Variants in TTC38 observed in about 807,000 individuals in gnomAD.
The protein encoded by TTC38 is tetratricopeptide repeat domain 38, also known as tetratricopeptide repeat protein 38.
Under a neutral mutation model 64.2 loss-of-function variants are expected in TTC38, and 64 were observed. The observed-to-expected ratio is 1.00, with a 90% CI of 0.81 to 1.23. The LOEUF is 1.23. TTC38 is among the 50% of genes most tolerant of loss of function. The pLI is 0.00. For missense variants in TTC38, 573 were observed against 615.5 expected (o/e 0.93, Z 0.73); for synonymous variants, 254 against 249.3 (o/e 1.02, Z -0.18).
At chr22:46,268,668 TTTTG>T in intron 2 of TTC38, 77 bp downstream of exon 2, 2 of 737,262 alleles carry the variant, frequency 2.7e-6, no homozygotes, top group African/African-American at 9.7e-5. Context: ...AAAGCTGTTT[TTTTG>T]TTTTGTTTTG....
Position 46,288,567 on chromosome 22 carries a change from C to A in TTC38, c.1061C>A (p.Thr354Asn), listed in dbSNP as rs992383348. Residue 354 changes from threonine (T) to asparagine (N), a missense_variant, in exon 11 of 14, where the codon ACC (threonine) becomes AAC (asparagine). By Grantham distance (65) the Thr-to-Asn change is moderately conservative. Coordinates refer to ENST00000381031, the MANE Select transcript of TTC38 (RefSeq NM_017931.4). ...HDPQTTQELLTTLRDASESPG... is the reference protein window; with the variant it reads ...HDPQTTQELLNTLRDASESPG... ...CCCCAGACCACACAGGAGCTGCTGA[C>A]CACCCTGCGGGACGCCAGCGAGTAT... 1 of 1,613,678 alleles carries A rather than the reference C, an allele frequency of 6.2e-7. No individual in the cohort carries two copies. The highest frequency in any genetic ancestry group is 1.7e-5 in the Admixed American group (1 of 59,996).
rs994790121 is a variant in TTC38 at position 46,291,682 on chromosome 22, C to T, written c.1317-1109C>T. 1.3e-5 allele frequency among the ~76,000 whole-genome samples: 2 copies of T among 152,148 alleles called. No homozygotes were observed. The highest frequency in any genetic ancestry group is 1.3e-4 in the Admixed American group (2 of 15,276). On this transcript the variant is annotated intron_variant, in intron 13 of 13. Coordinates refer to ENST00000381031, the MANE Select transcript of TTC38 (RefSeq NM_017931.4). This position sits in a 1 kb window ranked among gnomAD's most constrained non-coding sequence, Gnocchi z 4.6. Reference sequence around the variant, plus strand: ...AAAAGTGCCACAGACAGGCCGGGCACGGTGGCTCATGCCTGTAATCCCAGC... The same window carrying T: ...AAAAGTGCCACAGACAGGCCGGGCATGGTGGCTCATGCCTGTAATCCCAGC...
chr22:46,290,861 C>T (rs1569028128), intron 13 of TTC38, among the ~76,000 whole-genome samples: 1 of 152,128 alleles, frequency 6.6e-6, no homozygotes, highest in African/African-American at 2.4e-5. Context: ...GCCTGAGCGG[C>T]GAGTTTGACA....
Position 46,281,501 on chromosome 22 carries a change from C to T in TTC38, c.616-98C>T, listed in dbSNP as rs2077534390. 9 of 1,459,122 alleles carry T rather than the reference C, an allele frequency of 6.2e-6. No homozygotes were observed. Among genetic ancestry groups the T allele is most frequent in the Non-Finnish European group, 8.5e-6 (9 of 1,062,208 alleles). 90.4% of individuals were successfully genotyped at this position (1,459,122 alleles called of 1,614,324 possible). A position where few individuals can be genotyped will look rare whatever the true frequency, so the allele number is the denominator to read the frequency against. ...CCCCCACTTGCTCCACCCCGTTCAG[C>T]CCAGGCCCCTCTTGCCCCTTAGAGA... On this transcript the variant is annotated intron_variant, in intron 6 of 13. Coordinates refer to ENST00000381031, the MANE Select transcript of TTC38 (RefSeq NM_017931.4). This position sits in a 1 kb window ranked among gnomAD's most constrained non-coding sequence, Gnocchi z 5.2.
In TTC38 at chr22:46,272,287, A is replaced by C. The variant is rs1479903697; in HGVS notation, c.112-48A>C. 1 of 1,518,364 alleles carries C rather than the reference A, an allele frequency of 6.6e-7. No homozygotes were observed. Among genetic ancestry groups the C allele is most frequent in the Non-Finnish European group, 9.1e-7 (1 of 1,094,916 alleles). The allele number at this position is 1,518,364 out of a possible 1,614,324, so 94.1% of individuals were successfully genotyped here. On this transcript the variant is annotated intron_variant, in intron 2 of 13. Transcript: ENST00000381031. This position sits in a 1 kb window ranked among gnomAD's most constrained non-coding sequence, Gnocchi z 6.4. ...CTGGATTTAGAGCCACCTTTGTTAG[A>C]ATGATCCAAGGGCTCCGTGAGGACT... is the stretch of plus-strand genomic sequence containing the variant.
chr22:46,272,857 G>C lies in TTC38; in HGVS notation c.193+441G>C, dbSNP rs1483142806. On this transcript the variant is annotated intron_variant, in intron 3 of 13. Transcript: ENST00000381031. This position sits in a 1 kb window ranked among gnomAD's most constrained non-coding sequence, Gnocchi z 6.4. The stretch of plus-strand genomic sequence containing the variant: ...CAGGGGACCAGTGAGGCCTCATCCA[G>C]AGTGGCCAGGGTGAGGTGGTGACAG... Among the ~76,000 whole-genome samples, 2 of 152,302 alleles carry C rather than the reference G, an allele frequency of 1.3e-5. No individual in the cohort carries two copies. The highest frequency in any genetic ancestry group is 2.1e-4 in the South Asian group (1 of 4,824).
chr22:46,289,626 C>T (rs1232037747), intron 12 of TTC38, 65 bp downstream of exon 12: 2 of 1,531,152 alleles, frequency 1.3e-6, no homozygotes, highest in Non-Finnish European at 1.8e-6. Flanking sequence ...CGCCCCGCAG[C>T]CCCCAAGTTT....
In TTC38 at chr22:46,275,238, C is replaced by T. The variant is rs370763567; in HGVS notation, c.366-10C>T. The T allele has an allele frequency of 2.4e-5, 39 of 1,611,092 alleles. No homozygotes were observed. The highest frequency in any genetic ancestry group is 1.8e-4 in the Middle Eastern group (1 of 5,514). On this transcript the variant is annotated splice_polypyrimidine_tract_variant and intron_variant, in intron 4 of 13. Coordinates refer to ENST00000381031, the MANE Select transcript of TTC38 (RefSeq NM_017931.4). This position sits in a 1 kb window ranked among gnomAD's most constrained non-coding sequence, Gnocchi z 4.5. ...TTCAGCGTTGGTGAGAAATCTTTCT[C>T]GGTTTCCAGGAACTTTCCGAAAGCC...
intron 13 of TTC38, among the ~76,000 whole-genome samples, chr22:46,290,695 C>T (rs532422753): frequency 3.4e-5 from 5 of 145,542 alleles, no homozygotes; most frequent in Admixed American, 6.7e-5. Flanking sequence ...GGCTGGCAGG[C>T]GAGTGTCAGG....
intron 1 of TTC38, 33 bp downstream of exon 1, chr22:46,268,105 T>A (rs1936801551): frequency 6.5e-7 from 1 of 1,530,236 alleles, no homozygotes; most frequent in Non-Finnish European, 8.7e-7. Flanking sequence ...CAGGTCCCCC[T>A]CGGGCCCCGG....
In TTC38 at chr22:46,289,419, G is replaced by A. The variant is rs61737824; in HGVS notation, c.1100G>A (p.Cys367Tyr). 1.3e-3 allele frequency: 2,015 copies of A among 1,609,248 alleles called. 3 individuals carry two copies. The highest frequency in any genetic ancestry group is 1.5e-3 in the Non-Finnish European group (1,752 of 1,179,678). Reference protein sequence around the residue: ...RDASESPGENCQHLLARDVGL... With the variant: ...RDASESPGENYQHLLARDVGL... ...GTTCGCAGATCCCCAGGGGAGAACT[G>A]CCAGCACCTCCTGGCCCGAGACGTG... The change falls in exon 12 of 14, where the codon TGC becomes TAC. Residue 367 changes from cysteine (C) to tyrosine (Y), a missense_variant. Cys to Tyr is a radical substitution (Grantham distance 194). Coordinates refer to ENST00000381031, the MANE Select transcript of TTC38 (RefSeq NM_017931.4).
Position 46,281,638 on chromosome 22 carries a change from A to AC in TTC38, c.657dup (p.Val220ArgfsTer29), listed in dbSNP as rs761170055. 6 of 1,614,146 alleles carry AC rather than the reference A, an allele frequency of 3.7e-6. No homozygotes were observed. The highest frequency in any genetic ancestry group is 5.1e-6 in the Non-Finnish European group (6 of 1,180,018). On this transcript the variant is annotated frameshift_variant, in exon 7 of 14. Transcript: ENST00000381031. LOFTEE classifies it high-confidence loss of function. This position sits in a 1 kb window ranked among gnomAD's most constrained non-coding sequence, Gnocchi z 5.2. ...CCCGACAGACGCATGGTCGGTGCAC[A>AC]CCGTCGCTCACATCCACGAGATGAA...
chr22:46,271,190 G>A lies in TTC38; in HGVS notation c.112-1145G>A, dbSNP rs1427525860. Among the ~76,000 whole-genome samples, 1 of 152,216 alleles carries A rather than the reference G, an allele frequency of 6.6e-6. No homozygotes were observed. The highest frequency in any genetic ancestry group is 1.5e-5 in the Non-Finnish European group (1 of 68,040). ...TCCTCTTAGGGCAGAAGAAGCCGAT[G>A]TGGAGCAGGTCACCTGTCAGGAGGA... On this transcript the variant is annotated intron_variant, in intron 2 of 13. Transcript: ENST00000381031. The surrounding 1 kb of genome is among the most constrained non-coding windows in gnomAD (Gnocchi z 5.5).
intron 8 of TTC38, among the ~76,000 whole-genome samples, chr22:46,284,868 C>CAAAAAAAAAAAAAAAAAAAAA (rs130641): frequency 1.3e-5 from 1 of 75,324 alleles, no homozygotes; most frequent in African/African-American, 5.7e-5. Flanking sequence ...GACCCCATCT[C>CAAAAAAAAAAAAAAAAAAAAA]AAAAAAAAAA....
At chr22:46,268,400 C>T in intron 1 of TTC38, 114 bp from the exon 2 acceptor site, 1 of 1,159,140 alleles carries the variant, frequency 8.6e-7, no homozygotes, top group Non-Finnish European at 1.3e-6. Context: ...GGAGCCTGAG[C>T]CCATTTTACA....
In TTC38 at chr22:46,278,610, T is replaced by C. The variant is rs759384038; in HGVS notation, c.564T>C (p.Phe188=). The C allele has an allele frequency of 6.2e-7, 1 of 1,614,164 alleles. No homozygotes were observed. The highest frequency in any genetic ancestry group is 1.3e-5 in the African/African-American group (1 of 75,046). The change falls in exon 6 of 14, where the codon TTT becomes TTC. Residue 188 remains phenylalanine (F), a synonymous_variant. Transcript: ENST00000381031. ...GCTATGTGAAAGGCATCTACTCTTT[T>C]GGCTTGATGGAAACCAACTTCTACG... ...LSSYVKGIYS[F]GLMETNFYDQ... is the part of the protein sequence containing the mutation.
chr22:46,284,035 A>C lies in TTC38; in HGVS notation c.795+3A>C, dbSNP rs1383489030. 6.2e-7 allele frequency: 1 copy of C among 1,607,472 alleles called. No homozygotes were observed. The highest frequency in any genetic ancestry group is 1.7e-5 in the Admixed American group (1 of 59,834). ...GGGCTTTATATCTGATTGAGAAGGT[A>C]AGGTGACCATCTGTTTGCACTGTCT... On this transcript the variant is annotated splice_donor_region_variant and intron_variant, in intron 8 of 13. Transcript: ENST00000381031.
In TTC38 at chr22:46,275,778, C is replaced by G. The variant is rs1230117551; in HGVS notation, c.539+357C>G. ...CCATGTCCTTGTCTCCATCTGGGATCCCAGCTGATGAAGCAACTGCCCTCT... is the reference window on the plus strand; with the variant it reads ...CCATGTCCTTGTCTCCATCTGGGATGCCAGCTGATGAAGCAACTGCCCTCT... On this transcript the variant is annotated intron_variant, in intron 5 of 13. Transcript: ENST00000381031. This position sits in a 1 kb window ranked among gnomAD's most constrained non-coding sequence, Gnocchi z 4.5. Among the ~76,000 whole-genome samples, 1 of 152,202 alleles carries G rather than the reference C, an allele frequency of 6.6e-6. No individual in the cohort carries two copies.
intron 9 of TTC38, among the ~76,000 whole-genome samples, chr22:46,285,666 C>T (rs998767578): frequency 6.6e-6 from 1 of 150,582 alleles, no homozygotes; most frequent in Non-Finnish European, 1.5e-5. Flanking sequence ...TGCAATGGTG[C>T]GATTGGCTGG....
Sources: gnomAD v4.1 joint callset for allele counts (sites outside exome capture counted in the v4.1 genomes callset) on GRCh38, gnomAD v4.1.1 for gene constraint, Gnocchi (gnomAD v3.1) non-coding constraint, MANE v1.5 for transcripts, NCBI Gene and HGNC (gene_info 2026-07-23, HGNC 2026-07-21) for gene names.